The following DAB1 variants were observed in gnomAD, a reference collection of about 807,000 sequenced individuals.
DAB1 encodes the protein DAB adaptor protein 1, also known as disabled homolog 1.
A neutral mutation model predicts 64.6 loss-of-function variants in DAB1; 15 were observed. The ratio of observed to expected loss-of-function variants is 0.23; its 90% CI spans 0.16 to 0.36. The LOEUF (loss-of-function observed/expected upper bound fraction) is 0.36, where lower values mean the gene tolerates loss of function less well. DAB1 is among the 10% of genes least tolerant of loss of function. DAB1 has a pLI of 1.00. For synonymous variants in DAB1, 235 were observed against 251.9 expected, an observed-to-expected ratio of 0.93 and a Z score of 0.64; for missense variants, 596 against 706.7, an observed-to-expected ratio of 0.84 and a Z score of 1.78.
At chr1:58,300,643 AGAGAGGAAGGAAGGAAGGAAGG>A (rs1662138192) in intron 4 of DAB1, among the ~76,000 whole-genome samples, 1 of 54,010 alleles carries the variant, frequency 1.9e-5, no homozygotes, top group Non-Finnish European at 3.8e-5. Flanking sequence ...AGAGAGAGAG[AGAGAGGAAGGAAGGAAGGAAGG>A]AAGGAAGGAA....
intron 7 of DAB1, among the ~76,000 whole-genome samples, chr1:57,560,829 G>T (rs1243325699): frequency 1.3e-5 from 2 of 152,182 alleles, no homozygotes; most frequent in Non-Finnish European, 2.9e-5. Context: ...TTTGGAGCAA[G>T]GCTCTGACAT....
intron 3 of DAB1, among the ~76,000 whole-genome samples, chr1:57,137,479 A>G (rs1658226920): frequency 6.6e-6 from 1 of 152,190 alleles, no homozygotes; most frequent in Non-Finnish European, 1.5e-5. Flanking sequence ...GAGTAAAGAC[A>G]CTTGCTTTCG....
chr1:57,957,198 C>A (rs1215215941), intron 5 of DAB1, among the ~76,000 whole-genome samples: 1 of 152,074 alleles, frequency 6.6e-6, no homozygotes, highest in East Asian at 1.9e-4. Context: ...GAAGCTAATG[C>A]AATAATTTAG....
chr1:57,682,828 G>A (rs1646651970), intron 6 of DAB1, among the ~76,000 whole-genome samples: 1 of 152,142 alleles, frequency 6.6e-6, no homozygotes, highest in Non-Finnish European at 1.5e-5. Context: ...AGCCTCAGTT[G>A]ACTGCCAGAC....
chr1:57,946,788 T>C (rs1557570735), intron 5 of DAB1, among the ~76,000 whole-genome samples: 1 of 152,214 alleles, frequency 6.6e-6, no homozygotes, highest in South Asian at 2.1e-4. Context: ...TTCTAAGTCA[T>C]GCTCATGCCT....
intron 1 of DAB1, among the ~76,000 whole-genome samples, chr1:57,340,098 C>T (rs892068122): frequency 2.0e-5 from 3 of 152,060 alleles, no homozygotes; most frequent in Admixed American, 6.6e-5. Context: ...TCAAGTTACC[C>T]CAACTAGAAG....
At chr1:57,798,082 T>A (rs2101868491) in intron 6 of DAB1, among the ~76,000 whole-genome samples, 1 of 152,278 alleles carries the variant, frequency 6.6e-6, no homozygotes, top group African/African-American at 2.4e-5. Flanking sequence ...GGGCATGAGG[T>A]GGCTAAATAG....
At chr1:57,566,595 T>G (rs1040633797) in intron 7 of DAB1, among the ~76,000 whole-genome samples, 2 of 151,982 alleles carry the variant, frequency 1.3e-5, no homozygotes, top group Non-Finnish European at 2.9e-5. Flanking sequence ...AAAGGGGATA[T>G]CACCACCAAT....
intron 5 of DAB1, among the ~76,000 whole-genome samples, chr1:57,983,926 T>C (rs1646128941): frequency 6.6e-6 from 1 of 151,954 alleles, no homozygotes; most frequent in Non-Finnish European, 1.5e-5. Flanking sequence ...TAGTGCTATT[T>C]GTGTAAAGAA....
At chr1:57,160,812 G>A (rs530412742) in intron 2 of DAB1, among the ~76,000 whole-genome samples, 4 of 152,210 alleles carry the variant, frequency 2.6e-5, no homozygotes, top group African/African-American at 4.8e-5. Flanking sequence ...GATGATTGTC[G>A]GAACTGCCTG....
intron 3 of DAB1, among the ~76,000 whole-genome samples, chr1:58,399,192 T>A (rs1644549376): frequency 1.3e-5 from 2 of 152,252 alleles, no homozygotes; most frequent in Admixed American, 1.3e-4. Flanking sequence ...TTAATTTACA[T>A]CTGTATAGTG....
intron 2 of DAB1, among the ~76,000 whole-genome samples, chr1:57,232,528 A>G (rs1009614464): frequency 6.6e-6 from 1 of 152,164 alleles, no homozygotes; most frequent in Non-Finnish European, 1.5e-5. Flanking sequence ...GTTCTCTAAC[A>G]CACTTTTGAG....
intron 6 of DAB1, among the ~76,000 whole-genome samples, chr1:57,784,578 C>G (rs1438641943): frequency 1.3e-5 from 2 of 152,102 alleles, no homozygotes; most frequent in African/African-American, 4.8e-5. Flanking sequence ...GATAAAATAT[C>G]AAACCAGCTG....
intron 2 of DAB1, among the ~76,000 whole-genome samples, chr1:57,226,672 A>AAAAATATATATATATATATAT (rs747021990): frequency 7.4e-6 from 1 of 136,014 alleles, no homozygotes; most frequent in African/African-American, 3.1e-5. Context: ...TTAAAAAAAA[A>AAAAATATATATATATATATAT]ATATATATAT....
At chr1:58,095,559 G>A (rs554815325) in intron 5 of DAB1, among the ~76,000 whole-genome samples, 1 of 152,072 alleles carries the variant, frequency 6.6e-6, no homozygotes, top group Non-Finnish European at 1.5e-5. Flanking sequence ...TTTCCTGGAG[G>A]GCTGGAGTTA....
intron 3 of DAB1, among the ~76,000 whole-genome samples, chr1:58,467,358 T>C (rs1025100427): frequency 2.0e-5 from 3 of 152,166 alleles, no homozygotes; most frequent in African/African-American, 4.8e-5. Flanking sequence ...TTTGATTATA[T>C]TGAAAAAATA....
At chr1:58,157,261 G>A (rs1375564082) in intron 4 of DAB1, among the ~76,000 whole-genome samples, 2 of 152,158 alleles carry the variant, frequency 1.3e-5, no homozygotes, top group African/African-American at 4.8e-5. Flanking sequence ...GCCCCCCTCT[G>A]CTGAAAATAT....
rs187554696 is a variant in DAB1 at position 58,346,931 on chromosome 1, A to G, written n.258-3528T>C. On this transcript the variant is annotated intron_variant and non_coding_transcript_variant, in intron 3 of 20. Transcript: ENST00000485760. ...ATTGCAATTCAAACTTGACTCCACC[A>G]TCTATTAGCTGTTTGACTTTGGGCT... Among the ~76,000 whole-genome samples the G allele has an allele frequency of 2.2e-4, 34 of 152,304 alleles. No individual in the cohort carries two copies. The East Asian group carries it at 6.0e-3, about 27-fold the overall frequency.
intron 4 of DAB1, among the ~76,000 whole-genome samples, chr1:58,289,638 CTCT>C (rs1661768626): frequency 6.6e-6 from 1 of 152,176 alleles, no homozygotes; most frequent in African/African-American, 2.4e-5. Flanking sequence ...ATAAGAGAAG[CTCT>C]TCTTCCCAGT....
Sources: allele counts gnomAD v4.1 joint callset (sites outside exome capture counted in the v4.1 genomes callset), GRCh38; gene constraint gnomAD v4.1.1; transcripts MANE v1.5; gene names NCBI Gene and HGNC (gene_info 2026-07-23, HGNC 2026-07-21).